The following CYP2C8 variants were observed in gnomAD, a reference collection of about 807,000 sequenced individuals.
The protein encoded by CYP2C8 is cytochrome P450 family 2 subfamily C member 8.
CYP2C8 carries 51 observed loss-of-function variants against 41.3 expected under a neutral mutation model. The ratio of observed to expected loss-of-function variants is 1.24; its 90% CI spans 0.99 to 1.56. The LOEUF (loss-of-function observed/expected upper bound fraction) is 1.56, where lower values mean the gene tolerates loss of function less well. CYP2C8 is among the 40% of genes most tolerant of loss of function. The pLI, the probability that CYP2C8 is intolerant of heterozygous loss-of-function variation, is 0.00. For missense variants in CYP2C8, 651 were observed against 579.9 expected (o/e 1.12, Z -1.26); for synonymous variants, 218 against 205.8 (o/e 1.06, Z -0.51).
At chr10:95,055,365 A>G (rs1273595273) in intron 5 of CYP2C8, among the ~76,000 whole-genome samples, 1 of 152,122 alleles carries the variant, frequency 6.6e-6, no homozygotes, top group African/African-American at 2.4e-5. Flanking sequence ...TTTCAAAAAA[A>G]AATAAATAAA....
At chr10:95,047,075 C>T (rs1208344504) in intron 5 of CYP2C8, among the ~76,000 whole-genome samples, 1 of 152,146 alleles carries the variant, frequency 6.6e-6, no homozygotes, top group Non-Finnish European at 1.5e-5. Context: ...GTTTCCCCAA[C>T]TTGCTTCTCC....
At chr10:95,039,409 A>G (rs2032952615) in intron 7 of CYP2C8, 2 of 285,430 alleles carry the variant, frequency 7.0e-6, no homozygotes, top group South Asian at 7.5e-5. Context: ...GACACTTGAA[A>G]TGTCCAGAGT....
chr10:95,048,860 C>G (rs1214580188), intron 5 of CYP2C8, among the ~76,000 whole-genome samples: 3 of 152,066 alleles, frequency 2.0e-5, no homozygotes, highest in African/African-American at 7.2e-5. Flanking sequence ...GACTTGAAAT[C>G]ATAAAAATTC....
chr10:95,039,093 A>G, intron 7 of CYP2C8, 55 bp from the exon 8 acceptor site: 1 of 1,502,820 alleles, frequency 6.7e-7, no homozygotes, highest in South Asian at 1.1e-5. Flanking sequence ...AAGTGAGGAG[A>G]AGTAGTGGAC....
chr10:95,047,785 A>T (rs965282742), intron 5 of CYP2C8, among the ~76,000 whole-genome samples: 4 of 152,262 alleles, frequency 2.6e-5, no homozygotes, highest in African/African-American at 9.6e-5. Context: ...TATTTGAATT[A>T]GTAATCAAGA....
At chr10:95,068,483 C>T (rs2134443764) in intron 1 of CYP2C8, 2 of 685,080 alleles carry the variant, frequency 2.9e-6, no homozygotes, top group Non-Finnish European at 4.5e-6. Context: ...TATTTCACAT[C>T]AGCCATCAAA....
chr10:95,067,778 T>G (rs2033603277), intron 1 of CYP2C8, 87 bp from the exon 2 acceptor site: 2 of 1,327,424 alleles, frequency 1.5e-6, no homozygotes, highest in Admixed American at 3.9e-5. Flanking sequence ...TTTCATTGTA[T>G]TTTTTAATGT....
At chr10:95,056,827 T>G (rs1299605614) in intron 5 of CYP2C8, among the ~76,000 whole-genome samples, 1 of 152,162 alleles carries the variant, frequency 6.6e-6, no homozygotes, top group African/African-American at 2.4e-5. Context: ...GTAGTTGTGA[T>G]GCAGGGCAGG....
rs567974543 is a variant in CYP2C8, at chr10:95,061,198, A to C, written c.643-2687T>G. On this transcript the variant is annotated intron_variant, in intron 4 of 8. Coordinates refer to ENST00000371270, the MANE Select transcript of CYP2C8 (RefSeq NM_000770.3). ...ATTCCCTCTTTTTCTATTGATTGGA[A>C]TAATTTCAGAAGGAATGGTACCAGC... Among the ~76,000 whole-genome samples, 25 of 152,334 alleles carry C rather than the reference A, an allele frequency of 1.6e-4. 2 individuals carry two copies. The highest frequency in any genetic ancestry group is 5.5e-4 in the African/African-American group (23 of 41,578).
At position 95,063,196 on chromosome 10, in the gene CYP2C8, G is replaced by A. The variant is rs146803608; in HGVS notation, c.642+1604C>T. Among the ~76,000 whole-genome samples the A allele has an allele frequency of 3.9e-3, 598 of 152,238 alleles. 2 individuals carry two copies. Among genetic ancestry groups the A allele is most frequent in the African/African-American group, 0.013 (540 of 41,546 alleles). ...TTTGAATGTTAGCCTGCCTTCCTAG[G>A]TTGGGGAAGTTCTCCTGGATAATAC... On this transcript the variant is annotated intron_variant, in intron 4 of 8. Coordinates refer to ENST00000371270, the MANE Select transcript of CYP2C8 (RefSeq NM_000770.3).
chr10:95,042,786 A>C (rs2033028430), intron 7 of CYP2C8, 104 bp downstream of exon 7: 1 of 937,016 alleles, frequency 1.1e-6, no homozygotes, highest in Non-Finnish European at 1.8e-6. Flanking sequence ...CACATGTATG[A>C]GTTTTGCACT....
chr10:95,054,252 A>G (rs2033267986), intron 5 of CYP2C8, among the ~76,000 whole-genome samples: 10 of 152,116 alleles, frequency 6.6e-5, no homozygotes. Context: ...GAGTGCTTCA[A>G]TAAGAAAATC....
Position 95,064,980 on chromosome 10 carries a change from T to TA in CYP2C8, c.482-21dup, listed in dbSNP as rs1192036646. The TA allele has an allele frequency of 2.1e-6, 3 of 1,435,876 alleles. No individual in the cohort carries two copies. The highest frequency in any genetic ancestry group is 1.8e-5 in the South Asian group (1 of 55,078). The allele number at this position is 1,435,876 out of a possible 1,614,324, so 88.9% of individuals were successfully genotyped here. A position where few individuals can be genotyped will look rare whatever the true frequency, so the allele number is the denominator to read the frequency against. On this transcript the variant is annotated intron_variant, in intron 3 of 8. Transcript: ENST00000371270. Reference sequence around the variant, plus strand: ...GTGAAGCTAAAGATTTAAAAATTTTTAAAAAAATTATTAAAAAATAAATAT... The same window carrying TA: ...GTGAAGCTAAAGATTTAAAAATTTTTAAAAAAAATTATTAAAAAATAAATAT...
chr10:95,038,078 A>T (rs767906773), intron 8 of CYP2C8, among the ~76,000 whole-genome samples: 12 of 152,198 alleles, frequency 7.9e-5, no homozygotes, highest in Non-Finnish European at 1.6e-4. Context: ...GCCAAATATA[A>T]AGCAGACATA....
intron 4 of CYP2C8, among the ~76,000 whole-genome samples, chr10:95,062,698 T>A (rs1387010242): frequency 6.6e-6 from 1 of 152,208 alleles, no homozygotes; most frequent in Non-Finnish European, 1.5e-5. Context: ...GTTAGCTGGT[T>A]ATTTTGCTCG....
At chr10:95,038,832 A>T (rs2032938375) in intron 8 of CYP2C8, 65 bp downstream of exon 8, 2 of 1,529,636 alleles carry the variant, frequency 1.3e-6, no homozygotes, top group East Asian at 4.5e-5. Context: ...TGCCATGTAA[A>T]TTCCAACTAA....
At chr10:95,056,234 C>CA (rs1353450238) in intron 5 of CYP2C8, among the ~76,000 whole-genome samples, 12 of 151,996 alleles carry the variant, frequency 7.9e-5, no homozygotes, top group East Asian at 1.9e-4. Context: ...TGCACTGACA[C>CA]AAAAAACAGA....
Position 95,066,675 on chromosome 10 carries a change from GT to G in CYP2C8, c.481+532del, listed in dbSNP as rs1366734385. ...CTAAGCAAGTAAAACCATACATAGT[GT>G]CATTGCTGGCCAGAGCTGTAGGCAT... On this transcript the variant is annotated intron_variant, in intron 3 of 8. Transcript: ENST00000371270. Among the ~76,000 whole-genome samples the G allele has an allele frequency of 2.0e-5, 3 of 152,256 alleles. No homozygotes were observed. In the East Asian group the frequency reaches 5.8e-4, roughly 29 times the overall value.
chr10:95,061,088 T>G (rs900589655), intron 4 of CYP2C8, among the ~76,000 whole-genome samples: 2 of 152,236 alleles, frequency 1.3e-5, no homozygotes, highest in African/African-American at 2.4e-5. Flanking sequence ...TCAGGGATAT[T>G]GGTCTAAAAT....
Sources: allele counts gnomAD v4.1 joint callset (sites outside exome capture counted in the v4.1 genomes callset), GRCh38; gene constraint gnomAD v4.1.1; transcripts MANE v1.5; gene names NCBI Gene and HGNC (gene_info 2026-07-23, HGNC 2026-07-21).